The following BBS4 variants were observed in gnomAD, a reference collection of about 807,000 sequenced individuals.
The protein encoded by BBS4 is Bardet-Biedl syndrome 4.
A neutral mutation model predicts 71.4 loss-of-function variants in BBS4; 58 were observed. The ratio of observed to expected loss-of-function variants is 0.81; its 90% CI spans 0.66 to 1.01. The LOEUF (loss-of-function observed/expected upper bound fraction) is 1.01. Among genes scored for constraint, BBS4 ranks in the 50% least tolerant of loss-of-function variants. The pLI is 0.00. For synonymous variants in BBS4, 228 were observed against 216.8 expected (o/e 1.05, Z -0.46); for missense variants, 660 against 607.9 (o/e 1.09, Z -0.90).
intron 2 of BBS4, among the ~76,000 whole-genome samples, chr15:72,704,902 CAA>C (rs761724982): frequency 1.3e-5 from 2 of 151,516 alleles, no homozygotes; most frequent in Non-Finnish European, 1.5e-5. Context: ...CAAAACAAAA[CAA>C]AACAAAAACA....
intron 2 of BBS4, chr15:72,704,466 A>C (rs1340183730): frequency 1.6e-6 from 2 of 1,287,070 alleles, no homozygotes; most frequent in South Asian, 2.5e-5. Flanking sequence ...CAGAAATTCA[A>C]CTTATATATT....
intron 6 of BBS4, chr15:72,717,278 C>T (rs1180508647): frequency 6.3e-6 from 1 of 159,260 alleles, no homozygotes; most frequent in African/African-American, 2.4e-5. Flanking sequence ...TTTATTTTTC[C>T]CCTCCCCTTC....
At chr15:72,716,951 T>A in intron 6 of BBS4, 101 bp downstream of exon 6, 3 of 879,146 alleles carry the variant, frequency 3.4e-6, no homozygotes, top group Non-Finnish European at 5.6e-6. Context: ...TCCAAAAATG[T>A]CTTGATTTTA....
intron 6 of BBS4, among the ~76,000 whole-genome samples, chr15:72,718,541 T>G (rs2065507600): frequency 6.6e-6 from 1 of 152,224 alleles, no homozygotes; most frequent in South Asian, 2.1e-4. Context: ...TTGAAGTGTG[T>G]TCAATTTGTT....
intron 1 of BBS4, among the ~76,000 whole-genome samples, chr15:72,687,459 C>T (rs2064879361): frequency 6.6e-6 from 1 of 151,128 alleles, no homozygotes; most frequent in South Asian, 2.1e-4. Context: ...CAAAAATTAG[C>T]GGGGCATCGT....
At chr15:72,729,541 C>CGGT (rs2065770733) in intron 9 of BBS4, 75 bp from the exon 10 acceptor site, 3 of 1,411,364 alleles carry the variant, frequency 2.1e-6, no homozygotes, top group East Asian at 4.6e-5. Context: ...TTAGCCACCA[C>CGGT]GCCTGGTCTG....
intron 10 of BBS4, among the ~76,000 whole-genome samples, chr15:72,730,289 AAAAT>A (rs1476257461): frequency 2.1e-4 from 32 of 149,202 alleles, no homozygotes; most frequent in Non-Finnish European, 4.3e-4. Flanking sequence ...AAAAAAAAAA[AAAAT>A]AAAAAATAAA....
chr15:72,729,526 A>G, intron 9 of BBS4, 90 bp from the exon 10 acceptor site: 1 of 1,198,060 alleles, frequency 8.3e-7, no homozygotes, highest in South Asian at 1.2e-5. Context: ...CTGGGATTAT[A>G]GGCATTAGCC....
chr15:72,700,843 C>G (rs1345942365), intron 2 of BBS4, among the ~76,000 whole-genome samples: 1 of 152,112 alleles, frequency 6.6e-6, no homozygotes, highest in Non-Finnish European at 1.5e-5. Flanking sequence ...TCTAGGAAAT[C>G]TTGATCCTTA....
chr15:72,723,373 C>G (rs2065611004), intron 7 of BBS4, among the ~76,000 whole-genome samples: 1 of 152,072 alleles, frequency 6.6e-6, no homozygotes, highest in Non-Finnish European at 1.5e-5. Flanking sequence ...TCAGAGAAGA[C>G]AAGTTGAGCT....
At chr15:72,721,498 T>G (rs1227106951) in intron 6 of BBS4, among the ~76,000 whole-genome samples, 1 of 152,164 alleles carries the variant, frequency 6.6e-6, no homozygotes, top group Non-Finnish European at 1.5e-5. Context: ...CAATACTCTC[T>G]GTCTTAAGTT....
At chr15:72,704,896 A>G (rs1478812308) in intron 2 of BBS4, among the ~76,000 whole-genome samples, 1 of 152,096 alleles carries the variant, frequency 6.6e-6, no homozygotes, top group Non-Finnish European at 1.5e-5. Context: ...ACAAAACAAA[A>G]CAAAACAAAA....
intron 1 of BBS4, among the ~76,000 whole-genome samples, chr15:72,693,138 C>T (rs1248982609): frequency 6.6e-6 from 1 of 152,140 alleles, no homozygotes; most frequent in Non-Finnish European, 1.5e-5. Context: ...CATCTATTGC[C>T]ATCTGCAAAT....
At chr15:72,736,694 A>G (rs2151056764) in intron 14 of BBS4, 68 bp from the exon 15 acceptor site, 2 of 1,525,792 alleles carry the variant, frequency 1.3e-6, no homozygotes, top group East Asian at 2.3e-5. Context: ...CTCGAAGACC[A>G]AAGAAGTGGG....
rs1462258484 is a variant in BBS4, at chr15:72,730,543, G to C, written c.712-762G>C. Among the ~76,000 whole-genome samples, 11 of 147,748 alleles carry C rather than the reference G, an allele frequency of 7.4e-5. No homozygotes were observed. The Admixed American group carries it at 7.5e-4, about 10-fold the overall frequency. On this transcript the variant is annotated intron_variant, in intron 10 of 15. Coordinates refer to ENST00000268057, the MANE Select transcript of BBS4 (RefSeq NM_033028.5). ...GGAGTTTGAGTCTACAGTGGGCTAT[G>C]ATGGCACCACTATACTCCAGCCTGG...
At chr15:72,736,650 G>GT in intron 14 of BBS4, 112 bp from the exon 15 acceptor site, 2 of 988,806 alleles carry the variant, frequency 2.0e-6, no homozygotes, top group Non-Finnish European at 3.2e-6. Context: ...TCAACTGCTA[G>GT]TACGACCAGA....
chr15:72,706,302 A>T (rs1299668342), intron 2 of BBS4, among the ~76,000 whole-genome samples: 2 of 151,904 alleles, frequency 1.3e-5, no homozygotes, highest in Non-Finnish European at 2.9e-5. Flanking sequence ...ACTCCCGGCT[A>T]ATTTTTTGTA....
At chr15:72,736,312 G>A (rs1185241663) in intron 14 of BBS4, among the ~76,000 whole-genome samples, 1 of 143,946 alleles carries the variant, frequency 6.9e-6, no homozygotes, top group Non-Finnish European at 1.5e-5. Context: ...CGCAATCTCA[G>A]TTCACTGCAA....
intron 6 of BBS4, among the ~76,000 whole-genome samples, chr15:72,719,791 C>T (rs1366481219): frequency 6.8e-6 from 1 of 146,652 alleles, no homozygotes; most frequent in Non-Finnish European, 1.5e-5. Flanking sequence ...ATTCTGTCAC[C>T]TAGGCTAGAG....
Sources: allele counts gnomAD v4.1 joint callset (sites outside exome capture counted in the v4.1 genomes callset), GRCh38; gene constraint gnomAD v4.1.1; transcripts MANE v1.5; gene names NCBI Gene and HGNC (gene_info 2026-07-23, HGNC 2026-07-21).